GRIA3: variants seen among roughly 807,000 people sequenced by gnomAD.
GRIA3 encodes the protein glutamate receptor 3.
A neutral mutation model predicts 63.0 loss-of-function variants in GRIA3; 3 were observed. The ratio of observed to expected loss-of-function variants is 0.05; its 90% CI spans 0.02 to 0.12. The LOEUF is 0.12. Ranked by LOEUF, GRIA3 falls within the 10% of genes least tolerant of loss-of-function variation. The probability of loss-of-function intolerance (pLI) is 1.00; values close to 1 mark genes in which losing one functional copy is unlikely to be tolerated. For missense variants in GRIA3, 347 were observed against 700.9 expected (o/e 0.50, Z 5.70); for synonymous variants, 274 against 257.9 (o/e 1.06, Z -0.60).
At chrX:123,415,649 A>T (rs2045532866) in intron 10 of GRIA3, among the ~76,000 whole-genome samples, 1 of 111,715 alleles carries the variant, frequency 9.0e-6, no homozygotes, top group African/African-American at 3.3e-5. Context: ...TAGATGGGTT[A>T]AATTTTAGAA....
At chrX:123,435,230 ATGATTCCCTGT>A (rs754963540) in intron 12 of GRIA3, among the ~76,000 whole-genome samples, 44 of 112,258 alleles carry the variant, frequency 3.9e-4, no homozygotes, top group Non-Finnish European at 7.5e-4. Context: ...AGCAGGGTTA[ATGATTCCCTGT>A]AACCTCAGTA....
chrX:123,357,997 C>G (rs1224326152), intron 5 of GRIA3, among the ~76,000 whole-genome samples: 2 of 110,762 alleles, frequency 1.8e-5, no homozygotes, highest in Non-Finnish European at 3.8e-5. Flanking sequence ...GCCAAATTAT[C>G]CCTACTATGG....
intron 2 of GRIA3, among the ~76,000 whole-genome samples, chrX:123,245,476 T>C (rs907096809): frequency 2.7e-5 from 3 of 111,194 alleles, no homozygotes; most frequent in Non-Finnish European, 5.7e-5. Flanking sequence ...TAAAAAACCA[T>C]ATTTAAAGTG....
chrX:123,450,580 G>C (rs2045725085), intron 12 of GRIA3, among the ~76,000 whole-genome samples: 1 of 112,510 alleles, frequency 8.9e-6, no homozygotes, highest in Admixed American at 9.4e-5. Context: ...AAATGAGCTG[G>C]GTTTAAATCT....
At chrX:123,251,192 A>T (rs1471563874) in intron 2 of GRIA3, among the ~76,000 whole-genome samples, 1 of 112,203 alleles carries the variant, frequency 8.9e-6, no homozygotes, top group Non-Finnish European at 1.9e-5. Context: ...GGCTATTATC[A>T]TTATTATTGG....
intron 3 of GRIA3, among the ~76,000 whole-genome samples, chrX:123,308,489 C>T (rs1211070254): frequency 2.7e-5 from 3 of 111,707 alleles, no homozygotes; most frequent in Non-Finnish European, 3.8e-5. Context: ...TGAGTTAGAC[C>T]CGACTTGGCT....
intron 3 of GRIA3, among the ~76,000 whole-genome samples, chrX:123,280,293 A>G (rs1168668153): frequency 8.9e-6 from 1 of 112,375 alleles, no homozygotes; most frequent in South Asian, 3.7e-4. Flanking sequence ...TCTTTTCACT[A>G]TAGTCTCACT....
intron 12 of GRIA3, among the ~76,000 whole-genome samples, chrX:123,433,323 T>G (rs1218761155): frequency 2.7e-5 from 3 of 112,051 alleles, no homozygotes; most frequent in Non-Finnish European, 5.6e-5. Context: ...AGGGATAATT[T>G]TATAAAACTG....
chrX:123,481,202 A>C (rs1162271692), intron 14 of GRIA3, among the ~76,000 whole-genome samples: 2 of 112,102 alleles, frequency 1.8e-5, no homozygotes, highest in Non-Finnish European at 3.8e-5. Flanking sequence ...TGGCAGAGGA[A>C]GGGTTACCAG....
intron 3 of GRIA3, among the ~76,000 whole-genome samples, chrX:123,260,615 C>T (rs1031541893): frequency 5.6e-5 from 6 of 106,716 alleles, no homozygotes; most frequent in Non-Finnish European, 1.9e-5. Context: ...AAAAGACGTA[C>T]GAAGGAAACA....
intron 5 of GRIA3, among the ~76,000 whole-genome samples, chrX:123,389,889 G>C (rs1004927799): frequency 9.0e-6 from 1 of 110,513 alleles, no homozygotes; most frequent in African/African-American, 3.3e-5. Flanking sequence ...TGTATTTTTA[G>C]TAGAGACGAA....
intron 3 of GRIA3, among the ~76,000 whole-genome samples, chrX:123,272,829 A>G (rs1313112729): frequency 1.8e-5 from 2 of 111,622 alleles, no homozygotes; most frequent in Non-Finnish European, 3.8e-5. Context: ...TTTAAGTGGG[A>G]TTTATTTAAA....
At position 123,226,219 on chromosome X, in the gene GRIA3, A is replaced by T. The variant is rs962236387; in HGVS notation, c.269-27084A>T. Among the ~76,000 whole-genome samples the T allele has an allele frequency of 3.6e-5, 4 of 111,568 alleles. No homozygotes were observed. The South Asian group carries it at 1.5e-3, about 42-fold the overall frequency. On this transcript the variant is annotated intron_variant, in intron 2 of 15. Transcript: ENST00000620443. Reference sequence around the variant, plus strand: ...CACCATCATCTTCATCATCATTATCATAAAAAACAACATAACAACAGTTCA... The same window carrying T: ...CACCATCATCTTCATCATCATTATCTTAAAAAACAACATAACAACAGTTCA...
intron 14 of GRIA3, among the ~76,000 whole-genome samples, chrX:123,480,482 G>A (rs1306101105): frequency 1.8e-5 from 2 of 111,492 alleles, no homozygotes; most frequent in Non-Finnish European, 3.8e-5. Flanking sequence ...CATTTCAAAA[G>A]TTCAAAGAGA....
chrX:123,382,089 A>C (rs907998996), intron 5 of GRIA3, among the ~76,000 whole-genome samples: 5 of 112,257 alleles, frequency 4.5e-5, no homozygotes, highest in Non-Finnish European at 7.5e-5. Context: ...AATGTACACA[A>C]ATGGGACAGA....
Position 123,202,237 on chromosome X carries a change from G to A in GRIA3, c.268+16247G>A, listed in dbSNP as rs144429044. Among the ~76,000 whole-genome samples, 488 of 111,983 alleles carry A rather than the reference G, an allele frequency of 4.4e-3. 3 individuals carry two copies. The highest frequency in any genetic ancestry group is 0.015 in the African/African-American group (458 of 30,776). On this transcript the variant is annotated intron_variant, in intron 2 of 15. Coordinates refer to ENST00000620443, the MANE Select transcript of GRIA3 (RefSeq NM_007325.5). Reference sequence around the variant, plus strand: ...AGGTACTCAGTAAATATATGTGTTGGATACTTTCATCTTTACATTTTTTTA... The same window carrying A: ...AGGTACTCAGTAAATATATGTGTTGAATACTTTCATCTTTACATTTTTTTA...
At chrX:123,204,671 T>C in intron 2 of GRIA3, 2 of 1,046,772 alleles carry the variant, frequency 1.9e-6, no homozygotes, top group Non-Finnish European at 2.5e-6. Flanking sequence ...GGAACATTAA[T>C]TTATTCCTCA....
At chrX:123,475,244 C>A (rs1474995055) in intron 13 of GRIA3, among the ~76,000 whole-genome samples, 1 of 112,143 alleles carries the variant, frequency 8.9e-6, no homozygotes, top group African/African-American at 3.2e-5. Flanking sequence ...TTCCACCCCA[C>A]CTCAAACATT....
chrX:123,340,442 TA>T (rs986811476), intron 4 of GRIA3, among the ~76,000 whole-genome samples: 3 of 111,910 alleles, frequency 2.7e-5, no homozygotes, highest in Non-Finnish European at 5.6e-5. Flanking sequence ...ATTGGGATGG[TA>T]AGACATGTGC....
Sources: gnomAD v4.1 joint callset for allele counts (sites outside exome capture counted in the v4.1 genomes callset) on GRCh38, gnomAD v4.1.1 for gene constraint, MANE v1.5 for transcripts, NCBI Gene and HGNC (gene_info 2026-07-23, HGNC 2026-07-21) for gene names.